The following PBX1 variants were observed in gnomAD, a reference collection of about 807,000 sequenced individuals.
The protein encoded by PBX1 is pre-B-cell leukemia transcription factor 1.
PBX1 carries 6 observed loss-of-function variants against 53.4 expected under a neutral mutation model. The ratio of observed to expected loss-of-function variants is 0.11; its 90% CI spans 0.06 to 0.22. The LOEUF (loss-of-function observed/expected upper bound fraction) is 0.22, where lower values mean the gene tolerates loss of function less well. PBX1 is among the 10% of genes least tolerant of loss of function. The pLI, the probability that PBX1 is intolerant of heterozygous loss-of-function variation, is 1.00. For missense variants in PBX1, 251 were observed against 551.4 expected (o/e 0.46, Z 5.46); for synonymous variants, 204 against 212.3 (o/e 0.96, Z 0.34).
At chr1:164,875,661 G>A (rs759761880) in intron 2 of PBX1, among the ~76,000 whole-genome samples, 1 of 152,022 alleles carries the variant, frequency 6.6e-6, no homozygotes, top group Non-Finnish European at 1.5e-5. Context: ...TGAGCCACCG[G>A]CAGGCTCAGT....
chr1:164,682,623 G>A (rs1335605118), intron 2 of PBX1: 1 of 151,374 alleles, frequency 6.6e-6, no homozygotes, highest in South Asian at 2.1e-4. Context: ...AACTAATTAT[G>A]TGCCCTAAGG....
chr1:164,647,576 C>T lies in PBX1; in HGVS notation c.265+84265C>T, dbSNP rs74117958. Reference sequence around the variant, plus strand: ...TCCTTTTTAGGTGAGCAGGCCTAACCCTTCTGCCAAGTTGTTACGGCAATA... The same window carrying T: ...TCCTTTTTAGGTGAGCAGGCCTAACTCTTCTGCCAAGTTGTTACGGCAATA... On this transcript the variant is annotated intron_variant, in intron 2 of 8. Transcript: ENST00000420696. Among the ~76,000 whole-genome samples the T allele has an allele frequency of 5.7e-3, 861 of 152,256 alleles. 3 individuals are homozygous for T. Among genetic ancestry groups the T allele is most frequent in the African/African-American group, 0.02 (816 of 41,540 alleles).
chr1:164,706,110 A>G (rs977830372), intron 2 of PBX1, among the ~76,000 whole-genome samples: 1 of 152,208 alleles, frequency 6.6e-6, no homozygotes, highest in African/African-American at 2.4e-5. Flanking sequence ...AAATGTCTCA[A>G]TTCTGTTATT....
intron 2 of PBX1, among the ~76,000 whole-genome samples, chr1:164,757,155 C>T (rs1216907599): frequency 6.6e-6 from 1 of 151,946 alleles, no homozygotes; most frequent in Non-Finnish European, 1.5e-5. Context: ...GGTATCATTG[C>T]CCCCCATGGA....
intron 2 of PBX1, among the ~76,000 whole-genome samples, chr1:164,710,660 C>T (rs1663705117): frequency 6.6e-6 from 1 of 152,146 alleles, no homozygotes; most frequent in African/African-American, 2.4e-5. Flanking sequence ...ATCTGCCCGC[C>T]TTGGCCCCCC....
intron 8 of PBX1, among the ~76,000 whole-genome samples, chr1:164,825,344 A>G (rs909886162): frequency 6.6e-6 from 1 of 152,130 alleles, no homozygotes; most frequent in Non-Finnish European, 1.5e-5. Context: ...CACTGTACAT[A>G]CATGCGCAGA....
intron 3 of PBX1, among the ~76,000 whole-genome samples, chr1:164,796,227 T>C (rs1338730647): frequency 6.6e-6 from 1 of 152,044 alleles, no homozygotes; most frequent in Non-Finnish European, 1.5e-5. Flanking sequence ...GCCAGGATGC[T>C]CTCGAGCTCC....
intron 2 of PBX1, among the ~76,000 whole-genome samples, chr1:164,656,537 T>C (rs182473404): frequency 1.3e-5 from 2 of 152,280 alleles, no homozygotes; most frequent in African/African-American, 2.4e-5. Context: ...ACTAAACATA[T>C]CTATTCCTTT....
intron 2 of PBX1, among the ~76,000 whole-genome samples, chr1:164,613,572 C>G (rs1657080449): frequency 6.6e-6 from 1 of 152,198 alleles, no homozygotes; most frequent in Admixed American, 6.5e-5. Flanking sequence ...CCTTGGCACA[C>G]AGTGTTGCGG....
chr1:164,605,950 C>G (rs1157299012), intron 2 of PBX1, among the ~76,000 whole-genome samples: 1 of 152,112 alleles, frequency 6.6e-6, no homozygotes, highest in Non-Finnish European at 1.5e-5. Context: ...AATTCAGACA[C>G]TTTTGGTAAT....
rs59042806 is a variant in PBX1, at chr1:164,724,670, A to ATTTTTTTTTTTTTT, written c.266-67798_266-67785dup. Among the ~76,000 whole-genome samples the ATTTTTTTTTTTTTT allele has an allele frequency of 2.3e-4, 11 of 48,236 alleles. 4 individuals are homozygous for ATTTTTTTTTTTTTT. Among genetic ancestry groups the ATTTTTTTTTTTTTT allele is most frequent in the East Asian group, 5.2e-4 (1 of 1,906 alleles). 31.6% of individuals were successfully genotyped at this position (48,236 alleles called of 152,430 possible). A position where few individuals can be genotyped will look rare whatever the true frequency, so the allele number is the denominator to read the frequency against. On this transcript the variant is annotated intron_variant, in intron 2 of 8. Coordinates refer to ENST00000420696, the MANE Select transcript of PBX1 (RefSeq NM_002585.4). ...CAGATGCCCATTGCAATAGCTGCAGATTTTTTTTTTTTTTTTTTTTTTTTT... is the reference window on the plus strand; with the variant it reads ...CAGATGCCCATTGCAATAGCTGCAGATTTTTTTTTTTTTTTTTTTTTTTTTTTTTTTTTTTTTTT...
At chr1:164,794,552 G>A (rs1416873248) in intron 3 of PBX1, among the ~76,000 whole-genome samples, 5 of 152,094 alleles carry the variant, frequency 3.3e-5, no homozygotes, top group South Asian at 4.2e-4. Flanking sequence ...AAATGTTCTC[G>A]CCACAGTGTT....
At chr1:164,875,969 ATATATATT>A (rs1672494735) in intron 2 of PBX1, among the ~76,000 whole-genome samples, 2 of 35,786 alleles carry the variant, frequency 5.6e-5, no homozygotes, top group South Asian at 2.6e-3. Flanking sequence ...ATGTATACCT[ATATATATT>A]TGGTGTATGT....
intron 2 of PBX1, among the ~76,000 whole-genome samples, chr1:164,766,434 A>C (rs185276428): frequency 2.6e-5 from 4 of 152,188 alleles, no homozygotes; most frequent in Admixed American, 2.6e-4. Flanking sequence ...CCCCTGCTTT[A>C]CCTATGAGGA....
At chr1:164,583,033 A>G (rs536113948) in intron 2 of PBX1, among the ~76,000 whole-genome samples, 1 of 152,340 alleles carries the variant, frequency 6.6e-6, no homozygotes, top group African/African-American at 2.4e-5. Flanking sequence ...CTTACTGAGT[A>G]CTTGCTACTC....
chr1:164,743,611 C>G (rs1357168100), intron 2 of PBX1, among the ~76,000 whole-genome samples: 2 of 152,062 alleles, frequency 1.3e-5, no homozygotes, highest in Non-Finnish European at 2.9e-5. Context: ...AACACTGTAT[C>G]AGTTAAAGTT....
At chr1:164,589,352 G>A (rs1655194058) in intron 2 of PBX1, among the ~76,000 whole-genome samples, 1 of 152,088 alleles carries the variant, frequency 6.6e-6, no homozygotes, top group South Asian at 2.1e-4. Context: ...TGATCAGTAA[G>A]GAGAGGGGGC....
At position 164,620,752 on chromosome 1, in the gene PBX1, G is replaced by A. The variant is rs191776148; in HGVS notation, c.265+57441G>A. On this transcript the variant is annotated intron_variant, in intron 2 of 8. Coordinates refer to ENST00000420696, the MANE Select transcript of PBX1 (RefSeq NM_002585.4). Reference sequence around the variant, plus strand: ...GGCTGGAGTGCAGTGGTGCGATCTCGCCTCACTGCAACCTCTGCCTCCCGG... The same window carrying A: ...GGCTGGAGTGCAGTGGTGCGATCTCACCTCACTGCAACCTCTGCCTCCCGG... Among the ~76,000 whole-genome samples the A allele has an allele frequency of 2.2e-4, 33 of 151,826 alleles. No homozygotes were observed. In the East Asian group the frequency reaches 4.8e-3, roughly 22 times the overall value.
In PBX1 at chr1:164,792,496, T is replaced by G; in HGVS notation, c.268T>G (p.Leu90Val). ...CCCTTCCCTGTCTTTTTCTGTAGTT[T>G]TGAGTATCCGAGGAGCCCAGGAGGA... Reference protein sequence around the residue: ...VLCEIKEKTVLSIRGAQEEEP... With the variant: ...VLCEIKEKTVVSIRGAQEEEP... The change falls in exon 3 of 9, where the codon TTG (leucine) becomes GTG (valine). Residue 90 changes from leucine (L) to valine (V), a missense_variant and splice_region_variant. Leu to Val is a conservative substitution (Grantham distance 32). Coordinates refer to ENST00000420696, the MANE Select transcript of PBX1 (RefSeq NM_002585.4). 6.2e-7 allele frequency: 1 copy of G among 1,613,922 alleles called. No homozygotes were observed. Among genetic ancestry groups the G allele is most frequent in the Non-Finnish European group, 8.5e-7 (1 of 1,180,004 alleles).
Sources: gnomAD v4.1 joint callset for allele counts (sites outside exome capture counted in the v4.1 genomes callset) on GRCh38, gnomAD v4.1.1 for gene constraint, MANE v1.5 for transcripts, NCBI Gene and HGNC (gene_info 2026-07-23, HGNC 2026-07-21) for gene names.